ZNF408: variants seen among roughly 807,000 people sequenced by gnomAD.
ZNF408 encodes the protein PR domain zinc finger protein 17.
A neutral mutation model predicts 27.6 loss-of-function variants in ZNF408; 24 were observed. The ratio of observed to expected loss-of-function variants is 0.87; its 90% confidence interval spans 0.63 to 1.22. The LOEUF is 1.22. Among genes scored for constraint, ZNF408 ranks in the 50% most tolerant of loss-of-function variants. ZNF408 has a pLI of 0.00. For synonymous variants in ZNF408, 410 were observed against 396.1 expected, an observed-to-expected ratio of 1.04 and a Z score of -0.42; for missense variants, 897 against 949.0, an observed-to-expected ratio of 0.95 and a Z score of 0.72.
chr11:46,702,791 C>G (rs1249621313), intron 3 of ZNF408, 26 bp downstream of exon 3: 1 of 1,613,258 alleles, frequency 6.2e-7, no homozygotes, highest in African/African-American at 1.3e-5. Flanking sequence ...GTGTGTCGTT[C>G]CTTTGAGGTT....
intron 4 of ZNF408, among the ~76,000 whole-genome samples, 190 bp from the exon 5 acceptor site, chr11:46,704,163 C>T (rs1466415634): frequency 6.6e-6 from 1 of 152,054 alleles, no homozygotes; most frequent in Admixed American, 6.6e-5. Flanking sequence ...AGTGCTTCTC[C>T]AAAAGGCGCT....
intron 4 of ZNF408, 113 bp from the exon 5 acceptor site, chr11:46,704,240 C>T: frequency 1.8e-6 from 2 of 1,103,722 alleles, no homozygotes; most frequent in East Asian, 4.9e-5. Context: ...GGTATCATTG[C>T]TCCCTCTAAG....
chr11:46,704,721 GGCCCA>G lies in ZNF408; in HGVS notation c.1024_1028del (p.Pro342ArgfsTer42). ...CCCTACACTCTCGCGGAGCCCTCCT[GGCCCA>G]GCAGGAAGCTCCCCAAAGCAGGGGC... On this transcript the variant is annotated frameshift_variant, in exon 5 of 5. Coordinates refer to ENST00000311764, the MANE Select transcript of ZNF408 (RefSeq NM_024741.3). LOFTEE classifies it low-confidence loss of function (END_TRUNC). 1 of 1,602,906 alleles carries G rather than the reference GGCCCA, an allele frequency of 6.2e-7. No homozygotes were observed. Among genetic ancestry groups the G allele is most frequent in the Non-Finnish European group, 8.5e-7 (1 of 1,175,376 alleles).
At position 46,701,108 on chromosome 11, in the gene ZNF408, C is replaced by T. The variant is rs911338333; in HGVS notation, c.52+9C>T. ...GAAGGCGCTGCAACTCGGTGAGTGA[C>T]CTGCGATGTCCGCGACCCTCAACCT... On this transcript the variant is annotated intron_variant, in intron 1 of 4. Transcript: ENST00000311764. The T allele has an allele frequency of 1.9e-6, 3 of 1,614,102 alleles. No homozygotes were observed. The highest frequency in any genetic ancestry group is 1.7e-5 in the Admixed American group (1 of 60,014).
chr11:46,703,333 G>A, intron 4 of ZNF408, 90 bp downstream of exon 4: 1 of 1,455,522 alleles, frequency 6.9e-7, no homozygotes. Context: ...GCTCATTGCG[G>A]TAAGGAAGGA....
rs768264794 is a variant in ZNF408 at position 46,704,801 on chromosome 11, C to T, written c.1101C>T (p.His367=). 1.0e-5 allele frequency: 16 copies of T among 1,598,856 alleles called. No individual in the cohort carries two copies. Among genetic ancestry groups the T allele is most frequent in the South Asian group, 2.2e-5 (2 of 89,120 alleles). Residue 367 remains histidine, a synonymous_variant, in exon 5 of 5, where the codon CAC becomes CAT. Transcript: ENST00000311764. ...ECGKAFLQLC[H]LKKHAFVHTG... is the part of the protein sequence containing the mutation. Reference sequence around the variant, plus strand: ...GCAAGGCATTCCTACAGCTGTGCCACCTAAAGAAGCACGCATTTGTGCACA... The same window carrying T: ...GCAAGGCATTCCTACAGCTGTGCCATCTAAAGAAGCACGCATTTGTGCACA...
intron 2 of ZNF408, chr11:46,701,911 C>CT (rs936970602): frequency 2.3e-6 from 1 of 425,794 alleles, no homozygotes; most frequent in African/African-American, 2.0e-5. Context: ...AGGTCAAGAG[C>CT]TAAGGTTTTT....
chr11:46,705,843 G>A lies in ZNF408; in HGVS notation c.2143G>A (p.Glu715Lys). The A allele has an allele frequency of 1.2e-6, 2 of 1,612,224 alleles. No homozygotes were observed. The highest frequency in any genetic ancestry group is 1.7e-6 in the Non-Finnish European group (2 of 1,179,248). ...MGLGAWAEVV[E>K]VEMGT ...CCTCGGCGCCTGGGCAGAGGTGGTG[G>A]AGGTGGAGATGGGCACCTGACAGCT... The change falls in exon 5 of 5, where the codon GAG becomes AAG. Residue 715 changes from glutamate (E) to lysine (K), a missense_variant. Physicochemically the swap from Glu to Lys is moderately conservative, Grantham distance 56. Coordinates refer to ENST00000311764, the MANE Select transcript of ZNF408 (RefSeq NM_024741.3). This position sits in a 1 kb window ranked among gnomAD's most constrained non-coding sequence, Gnocchi z 6.5.
At position 46,705,909 on chromosome 11, in the gene ZNF408, C is replaced by T; in HGVS notation, c.*46C>T. The T allele has an allele frequency of 6.4e-7, 1 of 1,561,796 alleles. No individual in the cohort carries two copies. Among genetic ancestry groups the T allele is most frequent in the Non-Finnish European group, 8.7e-7 (1 of 1,153,432 alleles). ...ACAGCTCCATAAAGACTCGTGCTTT[C>T]TCACTGCTGCGTGTCTGCATCTTCT... On this transcript the variant is annotated 3_prime_UTR_variant, in exon 5 of 5. Transcript: ENST00000311764. This position sits in a 1 kb window ranked among gnomAD's most constrained non-coding sequence, Gnocchi z 6.5.
rs758703047 is a variant in ZNF408 at position 46,701,376 on chromosome 11, A to G, written c.53-23A>G. On this transcript the variant is annotated intron_variant, in intron 1 of 4. Transcript: ENST00000311764. ...TCCCACCTTCTTGGGTGGCTCCCTC[A>G]CTGTCTTCCCTTCTCTCTGCAGCCC... The G allele has an allele frequency of 8.7e-6, 14 of 1,605,428 alleles. No individual in the cohort carries two copies. In the African/African-American group the frequency reaches 9.4e-5, roughly 11 times the overall value.
rs2134510584 is a variant in ZNF408 at position 46,705,145 on chromosome 11, C to T, written c.1445C>T (p.Ser482Phe). The T allele has an allele frequency of 1.9e-6, 3 of 1,611,380 alleles. No individual in the cohort carries two copies. Among genetic ancestry groups the T allele is most frequent in the Non-Finnish European group, 2.5e-6 (3 of 1,179,936 alleles). The change falls in exon 5 of 5, where the codon TCC (serine) becomes TTC (phenylalanine). Residue 482 changes from serine (S) to phenylalanine (F), a missense_variant. Transcript: ENST00000311764. This position sits in a 1 kb window ranked among gnomAD's most constrained non-coding sequence, Gnocchi z 6.5. ...GGGCGGCCCCTGGCCAACCAGGGCT[C>T]CCTGCGGAACCATATGAGGCTCCAT... ...VCGRPLANQG[S>F]LRNHMRLHTG...
At chr11:46,702,625 A>G in intron 2 of ZNF408, 79 bp from the exon 3 acceptor site, 2 of 1,424,794 alleles carry the variant, frequency 1.4e-6, no homozygotes, top group Non-Finnish European at 1.9e-6. Context: ...GTCCCAGGAA[A>G]GTTTCATCTA....
chr11:46,705,497 ATC>A lies in ZNF408; in HGVS notation c.1800_1801del (p.His601LeufsTer31). ...CCACCAAGCTGCGGCGCCACCTCAA[ATC>A]TCACTTGGAGGACAAGCCCTACCGC... The part of the protein sequence containing the change: ...LATKLRRHLK[S>X]HLEDKPYRCP... On this transcript the variant is annotated frameshift_variant, in exon 5 of 5. Transcript: ENST00000311764. LOFTEE classifies it low-confidence loss of function (END_TRUNC). The surrounding 1 kb of genome is among the most constrained non-coding windows in gnomAD (Gnocchi z 6.5). 1 of 1,605,684 alleles carries A rather than the reference ATC, an allele frequency of 6.2e-7. No individual in the cohort carries two copies. The highest frequency in any genetic ancestry group is 8.5e-7 in the Non-Finnish European group (1 of 1,179,902).
At position 46,705,007 on chromosome 11, in the gene ZNF408, C is replaced by T. The variant is rs369908586; in HGVS notation, c.1307C>T (p.Pro436Leu). ...CAGGTGGTACATTCAGGTGCCCGGC[C>T]CTTTGCTTGTGACCAGTGTGGCAAG... ...EHQVVHSGAR[P>L]FACDQCGKAF... The change falls in exon 5 of 5, where the codon CCC becomes CTC. Residue 436 changes from proline (P) to leucine (L), a missense_variant. Pro to Leu is a moderately conservative substitution (Grantham distance 98). Coordinates refer to ENST00000311764, the MANE Select transcript of ZNF408 (RefSeq NM_024741.3). The surrounding 1 kb of genome is among the most constrained non-coding windows in gnomAD (Gnocchi z 6.5). The T allele has an allele frequency of 7.4e-5, 119 of 1,613,300 alleles. No homozygotes were observed. Among genetic ancestry groups the T allele is most frequent in the Non-Finnish European group, 9.3e-5 (110 of 1,180,040 alleles).
In ZNF408 at chr11:46,705,191, G is replaced by C; in HGVS notation, c.1491G>C (p.Leu497=). 6.2e-7 allele frequency: 1 copy of C among 1,611,668 alleles called. No homozygotes were observed. The highest frequency in any genetic ancestry group is 1.3e-5 in the African/African-American group (1 of 75,066). ...MRLHTGEKPF[L]CPHCGRAFRQ... is the part of the protein sequence containing the mutation. Reference sequence around the variant, plus strand: ...TCCATACAGGAGAAAAGCCTTTCCTGTGCCCGCACTGTGGCCGGGCGTTTC... The same window carrying C: ...TCCATACAGGAGAAAAGCCTTTCCTCTGCCCGCACTGTGGCCGGGCGTTTC... The change falls in exon 5 of 5, where the codon CTG becomes CTC. Residue 497 remains leucine (L), a synonymous_variant. Coordinates refer to ENST00000311764, the MANE Select transcript of ZNF408 (RefSeq NM_024741.3). This position sits in a 1 kb window ranked among gnomAD's most constrained non-coding sequence, Gnocchi z 6.5.
rs1429476184 is a variant in ZNF408, at chr11:46,701,828, G to A, written c.330+152G>A. ...TCTTCAGGACTGTCTCCTCTCAGCA[G>A]CAGTAGTTAAAGAATCGAGGTTTGA... On this transcript the variant is annotated intron_variant, in intron 2 of 4. Coordinates refer to ENST00000311764, the MANE Select transcript of ZNF408 (RefSeq NM_024741.3). 6.0e-6 allele frequency: 6 copies of A among 1,002,178 alleles called. No homozygotes were observed. In the East Asian group the frequency reaches 1.4e-4, roughly 23 times the overall value. 62.1% of individuals were successfully genotyped at this position (1,002,178 alleles called of 1,614,324 possible). A position where few individuals can be genotyped will look rare whatever the true frequency, so the allele number is the denominator to read the frequency against.
chr11:46,705,744 C>G lies in ZNF408; in HGVS notation c.2044C>G (p.Gln682Glu), dbSNP rs768493021. ...TGTTGAGGTCACCATTTCAGAAAGC[C>G]AGGAGAAGTGCTTTGTGGTGCCAGA... is the stretch of plus-strand genomic sequence containing the variant. ...DVVEVTISES[Q>E]EKCFVVPEEP... The change falls in exon 5 of 5, where the codon CAG (glutamine) becomes GAG (glutamate). Residue 682 changes from glutamine to glutamate, a missense_variant. Gln to Glu is a conservative substitution (Grantham distance 29). Transcript: ENST00000311764. This position sits in a 1 kb window ranked among gnomAD's most constrained non-coding sequence, Gnocchi z 6.5. The G allele has an allele frequency of 6.2e-7, 1 of 1,611,720 alleles. No individual in the cohort carries two copies. The highest frequency in any genetic ancestry group is 1.3e-5 in the African/African-American group (1 of 74,912).
chr11:46,701,835 T>TTA, intron 2 of ZNF408, 159 bp downstream of exon 2: 1 of 961,790 alleles, frequency 1.0e-6, no homozygotes, highest in South Asian at 2.3e-5. Flanking sequence ...GCAGCAGTAG[T>TTA]TAAAGAATCG....
In ZNF408 at chr11:46,705,040, C is replaced by T. The variant is rs1479670739; in HGVS notation, c.1340C>T (p.Ala447Val). 6.2e-7 allele frequency: 1 copy of T among 1,613,076 alleles called. No homozygotes were observed. The highest frequency in any genetic ancestry group is 8.5e-7 in the Non-Finnish European group (1 of 1,179,992). The change falls in exon 5 of 5, where the codon GCC becomes GTC. Residue 447 changes from alanine to valine, a missense_variant. Physicochemically the swap from Ala to Val is moderately conservative, Grantham distance 64 (BLOSUM62 0). Coordinates refer to ENST00000311764, the MANE Select transcript of ZNF408 (RefSeq NM_024741.3). This position sits in a 1 kb window ranked among gnomAD's most constrained non-coding sequence, Gnocchi z 6.5. ...TGTGACCAGTGTGGCAAGGCCTTTGCCCGCCGGCCCTCCCTGCGGCTGCAT... is the reference window on the plus strand; with the variant it reads ...TGTGACCAGTGTGGCAAGGCCTTTGTCCGCCGGCCCTCCCTGCGGCTGCAT... ...FACDQCGKAFARRPSLRLHRK... is the reference protein window; with the variant it reads ...FACDQCGKAFVRRPSLRLHRK...
Sources: allele counts gnomAD v4.1 joint callset (sites outside exome capture counted in the v4.1 genomes callset), GRCh38; gene constraint gnomAD v4.1.1; non-coding constraint Gnocchi (gnomAD v3.1); transcripts MANE v1.5; gene names NCBI Gene and HGNC (gene_info 2026-07-23, HGNC 2026-07-21).